The following GPM6A variants were observed in gnomAD, a reference collection of about 807,000 sequenced individuals.
The protein encoded by GPM6A is glycoprotein M6A, also known as neuronal membrane glycoprotein M6-a.
A neutral mutation model predicts 32.1 loss-of-function variants in GPM6A; 7 were observed. The ratio of observed to expected loss-of-function variants is 0.22; its 90% CI spans 0.12 to 0.41. The LOEUF (loss-of-function observed/expected upper bound fraction) is 0.41, where lower values mean the gene tolerates loss of function less well. GPM6A is among the 10% of genes least tolerant of loss of function. The pLI, the probability that GPM6A is intolerant of heterozygous loss-of-function variation, is 1.00. For synonymous variants in GPM6A, 130 were observed against 123.4 expected (o/e 1.05, Z -0.35); for missense variants, 235 against 347.2 (o/e 0.68, Z 2.57).
At chr4:175,884,011 G>A (rs1407365021) in intron 1 of GPM6A, among the ~76,000 whole-genome samples, 6 of 152,086 alleles carry the variant, frequency 3.9e-5, no homozygotes, top group Admixed American at 3.9e-4. Context: ...CAATTTCAAA[G>A]CCAAATCTCA....
chr4:175,907,571 C>A (rs923902749), intron 1 of GPM6A, among the ~76,000 whole-genome samples: 1 of 152,058 alleles, frequency 6.6e-6, no homozygotes, highest in African/African-American at 2.4e-5. Context: ...TTGGCATTTG[C>A]GAAAACAGCA....
At chr4:175,845,209 T>C (rs1026056980) in intron 1 of GPM6A, among the ~76,000 whole-genome samples, 16 of 152,164 alleles carry the variant, frequency 1.1e-4, no homozygotes, top group African/African-American at 3.6e-4. Context: ...TTCCTAGTGG[T>C]GGATCTATGT....
At chr4:175,874,589 C>T (rs560992605) in intron 1 of GPM6A, among the ~76,000 whole-genome samples, 2 of 151,878 alleles carry the variant, frequency 1.3e-5, no homozygotes, top group African/African-American at 4.8e-5. Flanking sequence ...TTTAATGGTA[C>T]CTTAAGGCGA....
intron 1 of GPM6A, among the ~76,000 whole-genome samples, chr4:175,980,484 A>G (rs1321048996): frequency 6.6e-6 from 1 of 152,196 alleles, no homozygotes; most frequent in African/African-American, 2.4e-5. Context: ...TTGCTTTCTG[A>G]CACGGGCCTT....
At chr4:175,952,084 C>T (rs1239798385) in intron 1 of GPM6A, among the ~76,000 whole-genome samples, 1 of 152,234 alleles carries the variant, frequency 6.6e-6, no homozygotes, top group Non-Finnish European at 1.5e-5. Flanking sequence ...TTCTCTTTCT[C>T]TGCAGAACCA....
Position 175,967,084 on chromosome 4 carries a change from T to C in GPM6A, c.-23+35225A>G, listed in dbSNP as rs537296384. ...TTAGCAAATCAAATCCAACAATGTA[T>C]AAAAAGAATTATATATCATGACCAA... On this transcript the variant is annotated intron_variant, in intron 1 of 7. Coordinates refer to the GPM6A transcript ENST00000280187. 2.0e-5 allele frequency among the ~76,000 whole-genome samples: 3 copies of C among 152,212 alleles called. No homozygotes were observed. In the South Asian group the frequency reaches 6.2e-4, roughly 32 times the overall value.
intron 1 of GPM6A, among the ~76,000 whole-genome samples, chr4:175,874,281 AG>A (rs1161112528): frequency 6.6e-6 from 1 of 152,226 alleles, no homozygotes; most frequent in African/African-American, 2.4e-5. Context: ...AGAAAGAAAA[AG>A]TTCCAGGAGA....
chr4:176,001,755 G>A (rs1451517775), intron 1 of GPM6A, among the ~76,000 whole-genome samples: 3 of 152,280 alleles, frequency 2.0e-5, no homozygotes, highest in East Asian at 3.9e-4. Context: ...CGTTTGGAAA[G>A]GGACTAGAAA....
chr4:175,882,351 A>C (rs1193554874), intron 1 of GPM6A, among the ~76,000 whole-genome samples: 1 of 152,030 alleles, frequency 6.6e-6, no homozygotes, highest in Non-Finnish European at 1.5e-5. Context: ...AAATTATTTT[A>C]TGCTGTTGGA....
chr4:175,637,278 AT>A, intron 6 of GPM6A, among the ~76,000 whole-genome samples: 1 of 60,004 alleles, frequency 1.7e-5, no homozygotes, highest in Non-Finnish European at 3.0e-5. Flanking sequence ...TATATATTAT[AT>A]ATTATATAAA....
intron 1 of GPM6A, among the ~76,000 whole-genome samples, chr4:175,712,019 A>G (rs1745583594): frequency 6.6e-6 from 1 of 152,118 alleles, no homozygotes. Context: ...TTCACAGTTT[A>G]AAGACACACA....
intron 1 of GPM6A, among the ~76,000 whole-genome samples, chr4:175,772,908 C>T (rs1733248186): frequency 6.6e-6 from 1 of 152,078 alleles, no homozygotes; most frequent in African/African-American, 2.4e-5. Context: ...GCTTAAAACC[C>T]AAAGCATTTA....
chr4:175,822,829 G>T (rs1553992719), intron 1 of GPM6A, among the ~76,000 whole-genome samples: 1 of 151,812 alleles, frequency 6.6e-6, no homozygotes, highest in Non-Finnish European at 1.5e-5. Flanking sequence ...CCCTCCCCTT[G>T]CCCCCAGCCT....
At chr4:175,686,354 A>G (rs1743980729) in intron 2 of GPM6A, among the ~76,000 whole-genome samples, 1 of 152,182 alleles carries the variant, frequency 6.6e-6, no homozygotes, top group African/African-American at 2.4e-5. Flanking sequence ...TATGAATATT[A>G]CTTAACATGG....
chr4:175,992,059 T>TGCACGC (rs1554007512), intron 1 of GPM6A, among the ~76,000 whole-genome samples: 2,473 of 45,272 alleles, frequency 0.055, 47 homozygotes, highest in Admixed American at 0.091. Context: ...CAAACACACA[T>TGCACGC]GCACACACAC....
chr4:175,784,175 TC>T (rs1407326130), intron 1 of GPM6A, among the ~76,000 whole-genome samples: 1 of 151,992 alleles, frequency 6.6e-6, no homozygotes, highest in Non-Finnish European at 1.5e-5. Flanking sequence ...GTCCTAGTCT[TC>T]CCCCAAATCT....
At chr4:175,864,072 T>A (rs1419983556) in intron 1 of GPM6A, among the ~76,000 whole-genome samples, 2 of 152,208 alleles carry the variant, frequency 1.3e-5, no homozygotes, top group African/African-American at 4.8e-5. Context: ...ACTTTTTAAA[T>A]GTTGACCTTC....
intron 1 of GPM6A, among the ~76,000 whole-genome samples, chr4:175,796,260 AT>A (rs1734223143): frequency 6.6e-6 from 1 of 152,174 alleles, no homozygotes; most frequent in South Asian, 2.1e-4. Flanking sequence ...GTTACATATA[AT>A]CACAAACATT....
intron 1 of GPM6A, among the ~76,000 whole-genome samples, chr4:175,916,466 C>CT (rs1439003985): frequency 1.3e-5 from 2 of 151,900 alleles, no homozygotes; most frequent in South Asian, 2.1e-4. Context: ...TTTGGTTTTT[C>CT]TTTTTTTTCT....
Sources: allele counts gnomAD v4.1 joint callset (sites outside exome capture counted in the v4.1 genomes callset), GRCh38; gene constraint gnomAD v4.1.1; transcripts MANE v1.5; gene names NCBI Gene and HGNC (gene_info 2026-07-23, HGNC 2026-07-21).